Variants in RNF180 observed in about 807,000 individuals in gnomAD.
RNF180 encodes the protein ring finger protein 180.
A neutral mutation model predicts 59.2 loss-of-function variants in RNF180; 38 were observed. The ratio of observed to expected loss-of-function variants is 0.64; its 90% CI spans 0.50 to 0.84. The LOEUF is 0.84. Ranked by LOEUF, RNF180 falls within the 40% of genes least tolerant of loss-of-function variation. The pLI, the probability that RNF180 is intolerant of heterozygous loss-of-function variation, is 0.00. For missense variants in RNF180, 705 were observed against 700.9 expected, an observed-to-expected ratio of 1.01 and a Z score of -0.07; for synonymous variants, 262 against 240.3, an observed-to-expected ratio of 1.09 and a Z score of -0.84.
intron 6 of RNF180, among the ~76,000 whole-genome samples, 177 bp from the exon 7 acceptor site, chr5:64,330,104 G>A (rs1388527634): frequency 2.6e-5 from 4 of 152,158 alleles, no homozygotes; most frequent in Non-Finnish European, 5.9e-5. Context: ...GTGAACTTGA[G>A]GAAGTTGTAT....
intron 5 of RNF180, among the ~76,000 whole-genome samples, chr5:64,274,299 T>C (rs899755415): frequency 6.6e-6 from 1 of 152,046 alleles, no homozygotes; most frequent in African/African-American, 2.4e-5. Context: ...TGTCCTGTTC[T>C]TGCCTTATCG....
At position 64,370,384 on chromosome 5, in the gene RNF180, T is replaced by A. The variant is rs1404285156; in HGVS notation, c.*570T>A. On this transcript the variant is annotated 3_prime_UTR_variant, in exon 8 of 8. Transcript: ENST00000389100. ...TGTACAGATCTAATTAGTACAACATTTTAAATTATTATAAACAGAATACTA... is the reference window on the plus strand; with the variant it reads ...TGTACAGATCTAATTAGTACAACATATTAAATTATTATAAACAGAATACTA... 6.6e-6 allele frequency: 1 copy of A among 151,732 alleles called. No homozygotes were observed. The highest frequency in any genetic ancestry group is 1.9e-4 in the East Asian group (1 of 5,154). 9.4% of individuals were successfully genotyped at this position (151,732 alleles called of 1,614,324 possible).
intron 5 of RNF180, among the ~76,000 whole-genome samples, chr5:64,280,520 T>C (rs1264215634): frequency 6.6e-6 from 1 of 152,164 alleles, no homozygotes; most frequent in Admixed American, 6.6e-5. Flanking sequence ...AATCTTCTGC[T>C]ATGGCTATCC....
intron 1 of RNF180, among the ~76,000 whole-genome samples, chr5:64,182,358 CTAA>C (rs1327055026): frequency 6.6e-6 from 1 of 152,112 alleles, no homozygotes; most frequent in Non-Finnish European, 1.5e-5. Context: ...AGGATCTTCA[CTAA>C]TCACCATTAA....
At chr5:64,181,986 CTTTTTTTTTTTTT>C (rs1190089130) in intron 1 of RNF180, among the ~76,000 whole-genome samples, 1 of 94,620 alleles carries the variant, frequency 1.1e-5, no homozygotes, top group African/African-American at 4.4e-5. Context: ...CTGCTACTGT[CTTTTTTTTTTTTT>C]TTTTTTTTTT....
At chr5:64,220,947 G>A (rs957580863) in intron 5 of RNF180, among the ~76,000 whole-genome samples, 3 of 151,970 alleles carry the variant, frequency 2.0e-5, no homozygotes, top group South Asian at 2.1e-4. Context: ...TAGACACTAC[G>A]CATAATAGAA....
At chr5:64,217,339 A>G in intron 4 of RNF180, 22 bp from the exon 5 acceptor site, 4 of 1,390,624 alleles carry the variant, frequency 2.9e-6, no homozygotes, top group South Asian at 1.9e-5. Context: ...TTTTGTGTGA[A>G]CCTAATTTTT....
intron 5 of RNF180, among the ~76,000 whole-genome samples, chr5:64,234,914 A>C (rs1231656943): frequency 6.6e-6 from 1 of 151,408 alleles, no homozygotes; most frequent in Non-Finnish European, 1.5e-5. Flanking sequence ...TTCTTATTTT[A>C]CCTTAATTCT....
chr5:64,330,263 T>C lies in RNF180; in HGVS notation c.1454-18T>C, dbSNP rs570829274. The C allele has an allele frequency of 7.2e-7, 1 of 1,395,734 alleles. No individual in the cohort carries two copies. Among genetic ancestry groups the C allele is most frequent in the South Asian group, 1.3e-5 (1 of 76,354 alleles). 86.5% of individuals were successfully genotyped at this position (1,395,734 alleles called of 1,614,324 possible). A position where few individuals can be genotyped will look rare whatever the true frequency, so the allele number is the denominator to read the frequency against. ...TCAAATTAATTTCAAAATCCTATTT[T>C]CTTTTGCTTTATTCTAGAATTGAAC... On this transcript the variant is annotated intron_variant, in intron 6 of 7. Coordinates refer to ENST00000389100, the MANE Select transcript of RNF180 (RefSeq NM_001113561.2).
chr5:64,262,972 A>G (rs1744432613), intron 5 of RNF180, among the ~76,000 whole-genome samples: 1 of 152,176 alleles, frequency 6.6e-6, no homozygotes, highest in Non-Finnish European at 1.5e-5. Context: ...AGGAGTCCCA[A>G]CAAGATGTAA....
intron 5 of RNF180, among the ~76,000 whole-genome samples, chr5:64,296,819 G>A (rs1157533809): frequency 1.3e-5 from 2 of 152,136 alleles, no homozygotes; most frequent in Non-Finnish European, 2.9e-5. Context: ...TGTACTGTCT[G>A]CCTGGATGTC....
At chr5:64,256,392 G>A (rs1034093346) in intron 5 of RNF180, among the ~76,000 whole-genome samples, 15 of 152,040 alleles carry the variant, frequency 9.9e-5, no homozygotes, top group African/African-American at 3.6e-4. Flanking sequence ...GTGTAAGGAA[G>A]GGAATCCAGT....
chr5:64,300,217 A>T (rs1743089631), intron 5 of RNF180, among the ~76,000 whole-genome samples: 1 of 151,802 alleles, frequency 6.6e-6, no homozygotes, highest in Admixed American at 6.6e-5. Flanking sequence ...GCTAAGACCT[A>T]AGGTAAGAAT....
chr5:64,355,004 T>C (rs138104433), intron 7 of RNF180, among the ~76,000 whole-genome samples: 2 of 151,838 alleles, frequency 1.3e-5, no homozygotes, highest in Non-Finnish European at 2.9e-5. Flanking sequence ...CCCCTAAAAT[T>C]AGGAACAAAA....
In RNF180 at chr5:64,363,679, G is replaced by A. The variant is rs571571375; in HGVS notation, c.1580-5936G>A. On this transcript the variant is annotated intron_variant, in intron 7 of 7. Transcript: ENST00000389100. ...TTGAATCTGTACATTGCTTTGGACA[G>A]TATGGCAATTTTAATGATATTGATT... 1.3e-4 allele frequency among the ~76,000 whole-genome samples: 19 copies of A among 151,966 alleles called. 1 individual carries two copies. In the South Asian group the frequency reaches 3.9e-3, roughly 32 times the overall value.
chr5:64,192,393 G>T (rs564358018), intron 1 of RNF180, among the ~76,000 whole-genome samples: 4 of 152,214 alleles, frequency 2.6e-5, no homozygotes, highest in African/African-American at 9.6e-5. Context: ...GTATGGAGTT[G>T]CCAGGCGCAG....
chr5:64,291,416 CTTTTTTTTTTTTTT>C (rs1207692101), intron 5 of RNF180, among the ~76,000 whole-genome samples: 3 of 71,784 alleles, frequency 4.2e-5, no homozygotes, highest in Non-Finnish European at 7.8e-5. Flanking sequence ...AGTATGTTTT[CTTTTTTTTTTTTTT>C]TTTTTTTTTT....
chr5:64,349,652 T>C (rs1458102702), intron 7 of RNF180, among the ~76,000 whole-genome samples: 1 of 152,090 alleles, frequency 6.6e-6, no homozygotes, highest in Non-Finnish European at 1.5e-5. Context: ...GTGTTCTCAT[T>C]GTTCAGTTGC....
intron 2 of RNF180, among the ~76,000 whole-genome samples, chr5:64,208,003 A>G (rs1206672507): frequency 6.6e-6 from 1 of 152,120 alleles, no homozygotes; most frequent in South Asian, 2.1e-4. Flanking sequence ...TAATAATATT[A>G]TCAACTTTTT....
Sources: gnomAD v4.1 joint callset for allele counts (sites outside exome capture counted in the v4.1 genomes callset) on GRCh38, gnomAD v4.1.1 for gene constraint, MANE v1.5 for transcripts, NCBI Gene and HGNC (gene_info 2026-07-23, HGNC 2026-07-21) for gene names.